The following SLC35F3 variants were observed in gnomAD, a reference collection of about 807,000 sequenced individuals.
SLC35F3 encodes the protein solute carrier family 35 member F3, also known as putative thiamine transporter SLC35F3.
A neutral mutation model predicts 49.9 loss-of-function variants in SLC35F3; 25 were observed. The ratio of observed to expected loss-of-function variants is 0.50; its 90% CI spans 0.37 to 0.70. The LOEUF (loss-of-function observed/expected upper bound fraction) is 0.70. Ranked by LOEUF, SLC35F3 falls within the 30% of genes least tolerant of loss-of-function variation. The probability of loss-of-function intolerance (pLI) is 0.00; values close to 1 mark genes in which losing one functional copy is unlikely to be tolerated. For synonymous variants in SLC35F3, 275 were observed against 265.4 expected (o/e 1.04, Z -0.35); for missense variants, 525 against 639.8 (o/e 0.82, Z 1.94).
At position 234,062,488 on chromosome 1, in the gene SLC35F3, C is replaced by T. The variant is rs549228095; in HGVS notation, c.283+156730C>T. Among the ~76,000 whole-genome samples the T allele has an allele frequency of 3.3e-5, 5 of 152,280 alleles. No individual in the cohort carries two copies. The East Asian group carries it at 9.6e-4, about 29-fold the overall frequency. ...CATGTGGAACCCCGGAGGGCTCCTCCCAGCTGTCTCCTTCCTTGGACCTCT... is the reference window on the plus strand; with the variant it reads ...CATGTGGAACCCCGGAGGGCTCCTCTCAGCTGTCTCCTTCCTTGGACCTCT... On this transcript the variant is annotated intron_variant, in intron 2 of 7. Coordinates refer to ENST00000366618, the MANE Select transcript of SLC35F3 (RefSeq NM_173508.4).
intron 4 of SLC35F3, among the ~76,000 whole-genome samples, chr1:234,311,161 T>A (rs1017173886): frequency 2.0e-5 from 3 of 152,242 alleles, no homozygotes; most frequent in African/African-American, 7.2e-5. Flanking sequence ...CTCTCCGAAG[T>A]GCATGACCAG....
At chr1:234,000,742 C>T (rs1031336654) in intron 2 of SLC35F3, among the ~76,000 whole-genome samples, 1 of 152,184 alleles carries the variant, frequency 6.6e-6, no homozygotes, top group Non-Finnish European at 1.5e-5. Flanking sequence ...AGCACATTGT[C>T]GAGCTTACAG....
chr1:234,226,158 A>G (rs893736329), intron 2 of SLC35F3, among the ~76,000 whole-genome samples: 12 of 152,246 alleles, frequency 7.9e-5, no homozygotes, highest in African/African-American at 2.9e-4. Context: ...ATTTTATAGT[A>G]TGAGAATTAT....
intron 2 of SLC35F3, among the ~76,000 whole-genome samples, chr1:233,970,785 C>G (rs961420861): frequency 8.5e-5 from 13 of 152,174 alleles, no homozygotes; most frequent in Admixed American, 6.5e-4. Flanking sequence ...TCAGAAGAGA[C>G]CAATGCTGCA....
intron 2 of SLC35F3, among the ~76,000 whole-genome samples, chr1:234,094,668 T>C (rs569755327): frequency 6.6e-5 from 10 of 152,344 alleles, no homozygotes; most frequent in African/African-American, 2.2e-4. Context: ...AACCCCTCTC[T>C]ATCTCTACAG....
At position 234,320,193 on chromosome 1, in the gene SLC35F3, C is replaced by A; in HGVS notation, c.1237+6C>A. The A allele has an allele frequency of 6.2e-7, 1 of 1,608,952 alleles. No homozygotes were observed. The highest frequency in any genetic ancestry group is 8.5e-7 in the Non-Finnish European group (1 of 1,175,496). ...CAGCATACCTGTGAATGCAGGTAAACCTATGCGGCTTTCTATATCTGCACA... is the reference window on the plus strand; with the variant it reads ...CAGCATACCTGTGAATGCAGGTAAAACTATGCGGCTTTCTATATCTGCACA... On this transcript the variant is annotated splice_donor_region_variant and intron_variant, in intron 7 of 7. Transcript: ENST00000366618. The surrounding 1 kb of genome is among the most constrained non-coding windows in gnomAD (Gnocchi z 4.8).
chr1:234,267,485 G>A (rs1257859216), intron 3 of SLC35F3, among the ~76,000 whole-genome samples: 9 of 147,910 alleles, frequency 6.1e-5, no homozygotes, highest in Admixed American at 2.0e-4. Flanking sequence ...CCTCCCGGAT[G>A]GGGCGGCTGG....
chr1:234,315,839 A>G (rs1415985321), intron 4 of SLC35F3, among the ~76,000 whole-genome samples: 1 of 152,092 alleles, frequency 6.6e-6, no homozygotes, highest in Non-Finnish European at 1.5e-5. Context: ...GTGCTGGTGC[A>G]TTTTCTCCTT....
At chr1:234,200,207 T>C (rs1666881224) in intron 2 of SLC35F3, among the ~76,000 whole-genome samples, 1 of 152,220 alleles carries the variant, frequency 6.6e-6, no homozygotes, top group Non-Finnish European at 1.5e-5. Context: ...AGGTTTTGAT[T>C]TGCATTTCTC....
chr1:233,904,995 C>T lies in SLC35F3; in HGVS notation c.-83C>T, dbSNP rs1290627513. On this transcript the variant is annotated 5_prime_UTR_variant, in exon 1 of 8. Coordinates refer to ENST00000366618, the MANE Select transcript of SLC35F3 (RefSeq NM_173508.4). ...GGTGGGCAGCGCACTCCAGTCTTCCCAGGCTAGCGGCTGCAGGGAGCTCCG... is the reference window on the plus strand; with the variant it reads ...GGTGGGCAGCGCACTCCAGTCTTCCTAGGCTAGCGGCTGCAGGGAGCTCCG... 1 of 1,474,200 alleles carries T rather than the reference C, an allele frequency of 6.8e-7. No individual in the cohort carries two copies. Among genetic ancestry groups the T allele is most frequent in the African/African-American group, 1.4e-5 (1 of 69,992 alleles). The allele number at this position is 1,474,200 out of a possible 1,614,324, so 91.3% of individuals were successfully genotyped here.
At chr1:233,992,882 A>G (rs1344276540) in intron 2 of SLC35F3, among the ~76,000 whole-genome samples, 1 of 152,076 alleles carries the variant, frequency 6.6e-6, no homozygotes, top group Non-Finnish European at 1.5e-5. Context: ...GTGGGAGGGC[A>G]GCCTGTCTGA....
At chr1:233,941,990 C>A (rs1210773510) in intron 2 of SLC35F3, among the ~76,000 whole-genome samples, 1 of 131,386 alleles carries the variant, frequency 7.6e-6, no homozygotes, top group Admixed American at 8.8e-5. Context: ...TAGATGGAGT[C>A]TCACTCTGTC....
chr1:234,037,429 G>A (rs1039659454), intron 2 of SLC35F3, among the ~76,000 whole-genome samples: 3 of 152,140 alleles, frequency 2.0e-5, no homozygotes, highest in Admixed American at 1.3e-4. Flanking sequence ...TCCAACATTG[G>A]TATCACATTT....
chr1:234,284,913 G>A (rs116128742), intron 3 of SLC35F3: 250 of 161,288 alleles, frequency 1.6e-3, no homozygotes, highest in Middle Eastern at 6.2e-3. Flanking sequence ...GGTTCCAAAC[G>A]GAATGGTTTG....
intron 2 of SLC35F3, among the ~76,000 whole-genome samples, chr1:234,219,712 T>A (rs934592566): frequency 2.0e-5 from 3 of 152,184 alleles, no homozygotes; most frequent in Non-Finnish European, 2.9e-5. Context: ...CAAAATGACC[T>A]GATCTGACAG....
chr1:233,987,515 T>C (rs567306224), intron 2 of SLC35F3, among the ~76,000 whole-genome samples: 4 of 152,014 alleles, frequency 2.6e-5, no homozygotes, highest in African/African-American at 9.7e-5. Context: ...CCCATCTTTT[T>C]ATTTTGATCT....
chr1:234,057,704 C>G (rs1476452978), intron 2 of SLC35F3, among the ~76,000 whole-genome samples: 3 of 151,674 alleles, frequency 2.0e-5, no homozygotes, highest in African/African-American at 7.2e-5. Context: ...GAGCAGATAT[C>G]TGTGTCTTTC....
chr1:234,239,785 T>C (rs965719807), intron 3 of SLC35F3, among the ~76,000 whole-genome samples: 1 of 152,238 alleles, frequency 6.6e-6, no homozygotes, highest in Non-Finnish European at 1.5e-5. Flanking sequence ...TGCCATTAGA[T>C]AGTTTGGGCA....
chr1:234,229,860 C>T (rs536350414), intron 2 of SLC35F3, among the ~76,000 whole-genome samples: 4 of 152,258 alleles, frequency 2.6e-5, no homozygotes, highest in East Asian at 3.9e-4. Flanking sequence ...TGGAAATTCA[C>T]GGTGAGGAAA....
Sources: allele counts gnomAD v4.1 joint callset (sites outside exome capture counted in the v4.1 genomes callset), GRCh38; gene constraint gnomAD v4.1.1; non-coding constraint Gnocchi (gnomAD v3.1); transcripts MANE v1.5; gene names NCBI Gene and HGNC (gene_info 2026-07-23, HGNC 2026-07-21).